Variants in CELF2 observed in about 807,000 individuals in gnomAD.
CELF2 encodes CUG triplet repeat RNA-binding protein 2.
A neutral mutation model predicts 62.6 loss-of-function variants in CELF2; 8 were observed. The ratio of observed to expected loss-of-function variants is 0.13; its 90% CI spans 0.07 to 0.23. The LOEUF (loss-of-function observed/expected upper bound fraction) is 0.23. Ranked by LOEUF, CELF2 falls within the 10% of genes least tolerant of loss-of-function variation. The pLI is 1.00. For synonymous variants in CELF2, 258 were observed against 250.0 expected, an observed-to-expected ratio of 1.03 and a Z score of -0.30; for missense variants, 333 against 671.0, an observed-to-expected ratio of 0.50 and a Z score of 5.56.
chr10:11,239,705 C>T (rs1224137689), intron 3 of CELF2, among the ~76,000 whole-genome samples: 3 of 152,084 alleles, frequency 2.0e-5, no homozygotes, highest in African/African-American at 7.2e-5. Context: ...AACTCAAATC[C>T]ACTTTTTTTT....
the CELF2 span, among the ~76,000 whole-genome samples, chr10:10,737,395 T>TG: frequency 6.6e-6 from 1 of 152,178 alleles, no homozygotes; most frequent in South Asian, 2.1e-4. Flanking sequence ...GAATTATCTC[T>TG]AAACAGCTCT....
chr10:11,047,271 C>A (rs2063032477), intron 1 of CELF2, among the ~76,000 whole-genome samples: 1 of 152,162 alleles, frequency 6.6e-6, no homozygotes, highest in South Asian at 2.1e-4. Flanking sequence ...TCACAGCCAA[C>A]CCATGAGTTC....
At chr10:10,718,985 C>CTTTT in the CELF2 span, among the ~76,000 whole-genome samples, 3 of 125,128 alleles carry the variant, frequency 2.4e-5, no homozygotes, top group East Asian at 2.1e-4. Flanking sequence ...TTATTATTCT[C>CTTTT]TTTTTTTTTT....
chr10:10,850,715 T>C (rs993140318), intron 1 of CELF2, among the ~76,000 whole-genome samples: 2 of 152,244 alleles, frequency 1.3e-5, no homozygotes, highest in African/African-American at 4.8e-5. Context: ...TTAATGCTTT[T>C]AATCTTCACA....
At chr10:10,651,562 C>T in the CELF2 span, among the ~76,000 whole-genome samples, 306 of 128,774 alleles carry the variant, frequency 2.4e-3, 7 homozygotes, top group African/African-American at 8.3e-3. Flanking sequence ...GGTCCCTGAC[C>T]CCTGACCCCC....
chr10:10,605,908 A>T, the CELF2 span, among the ~76,000 whole-genome samples: 1 of 152,224 alleles, frequency 6.6e-6, no homozygotes, highest in Non-Finnish European at 1.5e-5. Context: ...GCTGGTCTGT[A>T]ATCACGAGCC....
chr10:11,085,545 A>G (rs555725403), intron 1 of CELF2, among the ~76,000 whole-genome samples: 31 of 152,302 alleles, frequency 2.0e-4, no homozygotes, highest in South Asian at 4.1e-4. Context: ...AATTCATTAA[A>G]TCCATCACAG....
the CELF2 span, among the ~76,000 whole-genome samples, chr10:10,569,892 T>C: frequency 6.6e-6 from 1 of 152,186 alleles, no homozygotes; most frequent in Admixed American, 6.6e-5. Flanking sequence ...ACTATGACCT[T>C]GCTACCCAGC....
At chr10:10,584,872 A>C in the CELF2 span, among the ~76,000 whole-genome samples, 1 of 152,206 alleles carries the variant, frequency 6.6e-6, no homozygotes, top group Non-Finnish European at 1.5e-5. Flanking sequence ...GTTAATTTAA[A>C]TTTACATAGC....
intron 1 of CELF2, among the ~76,000 whole-genome samples, chr10:10,883,580 G>A (rs2061569681): frequency 6.6e-6 from 1 of 152,072 alleles, no homozygotes; most frequent in African/African-American, 2.4e-5. Context: ...GTGTAGTTGT[G>A]TGCTTCTCAT....
At chr10:11,092,818 A>G (rs562489326) in intron 1 of CELF2, among the ~76,000 whole-genome samples, 1 of 152,200 alleles carries the variant, frequency 6.6e-6, no homozygotes, top group Non-Finnish European at 1.5e-5. Flanking sequence ...TTGGGATAGC[A>G]TGGCCTGAAC....
At chr10:10,466,587 T>G in the CELF2 span, among the ~76,000 whole-genome samples, 22 of 152,216 alleles carry the variant, frequency 1.4e-4, no homozygotes, top group Non-Finnish European at 2.6e-4. Context: ...GGCTGGATCA[T>G]ATGGTAGAGA....
At chr10:10,623,569 A>C in the CELF2 span, among the ~76,000 whole-genome samples, 1 of 152,168 alleles carries the variant, frequency 6.6e-6, no homozygotes. Context: ...GCCATGGGGA[A>C]ACATGGTACC....
intron 1 of CELF2, among the ~76,000 whole-genome samples, chr10:10,841,115 AG>A (rs2058653373): frequency 6.6e-6 from 1 of 152,136 alleles, no homozygotes; most frequent in Non-Finnish European, 1.5e-5. Context: ...GTTGGTTCCA[AG>A]TCTTTGCTAC....
At chr10:11,264,897 G>T (rs2081740891) in intron 5 of CELF2, among the ~76,000 whole-genome samples, 1 of 152,212 alleles carries the variant, frequency 6.6e-6, no homozygotes, top group African/African-American at 2.4e-5. Flanking sequence ...CTTCATTCAG[G>T]CTTCTTCAAG....
chr10:11,240,623 T>C (rs187211140), intron 3 of CELF2, among the ~76,000 whole-genome samples: 4 of 152,322 alleles, frequency 2.6e-5, no homozygotes, highest in Non-Finnish European at 4.4e-5. Flanking sequence ...TTTTTTTTCA[T>C]TACATGTTTT....
intron 1 of CELF2, among the ~76,000 whole-genome samples, chr10:10,895,445 T>C (rs1422438493): frequency 6.6e-6 from 1 of 152,162 alleles, no homozygotes; most frequent in South Asian, 2.1e-4. Flanking sequence ...ACCTTGTTGC[T>C]CATAGCAAAA....
Position 10,990,585 on chromosome 10 carries a change from T to G in CELF2, c.89+70586T>G, listed in dbSNP as rs1016478524. On this transcript the variant is annotated intron_variant, in intron 2 of 13. Coordinates refer to the CELF2 transcript ENST00000636488. This position sits in a 1 kb window ranked among gnomAD's most constrained non-coding sequence, Gnocchi z 4.6. ...ATTAAGAGTCTTTCAATGGTAAAGTTTTAGTAGTATAATAGTATAATATAC... is the reference window on the plus strand; with the variant it reads ...ATTAAGAGTCTTTCAATGGTAAAGTGTTAGTAGTATAATAGTATAATATAC... 6.6e-6 allele frequency among the ~76,000 whole-genome samples: 1 copy of G among 152,156 alleles called. No homozygotes were observed. Among genetic ancestry groups the G allele is most frequent in the Non-Finnish European group, 1.5e-5 (1 of 68,018 alleles).
At chr10:11,221,413 A>T (rs1309095816) in intron 3 of CELF2, among the ~76,000 whole-genome samples, 1 of 152,256 alleles carries the variant, frequency 6.6e-6, no homozygotes, top group Non-Finnish European at 1.5e-5. Context: ...TTAAAAAATA[A>T]AGTAAAATAG....
Sources: gnomAD v4.1 joint callset for allele counts (sites outside exome capture counted in the v4.1 genomes callset) on GRCh38, gnomAD v4.1.1 for gene constraint, Gnocchi (gnomAD v3.1) non-coding constraint, MANE v1.5 for transcripts, NCBI Gene and HGNC (gene_info 2026-07-23, HGNC 2026-07-21) for gene names.